The following ANK3 variants were observed in gnomAD, a reference collection of about 807,000 sequenced individuals.
ANK3 encodes ankyrin-3.
In ANK3, 57 loss-of-function variants were observed where a neutral mutation model predicts 370.9. That is an observed-to-expected ratio of 0.15 (90% CI 0.12 to 0.19). The LOEUF (loss-of-function observed/expected upper bound fraction) is 0.19, where lower values mean the gene tolerates loss of function less well. Ranked by LOEUF, ANK3 falls within the 10% of genes least tolerant of loss-of-function variation. The probability of loss-of-function intolerance (pLI) is 1.00; values close to 1 mark genes in which losing one functional copy is unlikely to be tolerated. For synonymous variants in ANK3, 1,929 were observed against 1,946.3 expected (o/e 0.99, Z 0.23); for missense variants, 4,439 against 5,302.1 (o/e 0.84, Z 5.06).
intron 8 of ANK3, among the ~76,000 whole-genome samples, chr10:60,218,066 G>A (rs959796442): frequency 1.3e-5 from 2 of 150,600 alleles, no homozygotes; most frequent in African/African-American, 2.4e-5. Context: ...TCAGAGACTA[G>A]GATTGCAACC....
At chr10:60,185,278 T>G (rs575844366) in intron 17 of ANK3, among the ~76,000 whole-genome samples, 1 of 152,324 alleles carries the variant, frequency 6.6e-6, no homozygotes, top group South Asian at 2.1e-4. Flanking sequence ...ATAATAACCT[T>G]GAGAATTCAG....
At chr10:60,411,425 T>C (rs1314828500) in intron 2 of ANK3, among the ~76,000 whole-genome samples, 1 of 152,224 alleles carries the variant, frequency 6.6e-6, no homozygotes, top group Non-Finnish European at 1.5e-5. Context: ...GATGGTTCTT[T>C]TGTGTGTATG....
intron 2 of ANK3, among the ~76,000 whole-genome samples, chr10:60,497,994 A>G (rs977119803): frequency 2.0e-5 from 3 of 152,110 alleles, no homozygotes; most frequent in African/African-American, 7.2e-5. Flanking sequence ...CTTTTGTTGG[A>G]ACATCCATTA....
intron 27 of ANK3, among the ~76,000 whole-genome samples, chr10:60,107,412 G>T (rs1453089877): frequency 6.6e-6 from 1 of 152,188 alleles, no homozygotes; most frequent in Non-Finnish European, 1.5e-5. Flanking sequence ...GATGTTCAAT[G>T]ATATTGGAGA....
chr10:60,510,094 G>A (rs1437888477), intron 2 of ANK3, among the ~76,000 whole-genome samples: 1 of 151,980 alleles, frequency 6.6e-6, no homozygotes, highest in Non-Finnish European at 1.5e-5. Flanking sequence ...TTTAGTGGAA[G>A]TAGTCCTTCA....
In ANK3 at chr10:60,686,634, T is replaced by G. The variant is rs554879549; in HGVS notation, c.57+46629A>C. Among the ~76,000 whole-genome samples the G allele has an allele frequency of 2.5e-3, 385 of 152,290 alleles. 1 individual carries two copies. Among genetic ancestry groups the G allele is most frequent in the Non-Finnish European group, 4.1e-3 (277 of 67,990 alleles). On this transcript the variant is annotated intron_variant, in intron 1 of 43. Coordinates refer to the ANK3 transcript ENST00000373827. ...TTAATCTTCCTAACAACTGTAGGTA[T>G]TATTACATTTTTACTTTTTATTTTG...
intron 2 of ANK3, among the ~76,000 whole-genome samples, chr10:60,433,345 G>C (rs531333265): frequency 6.6e-6 from 1 of 152,232 alleles, no homozygotes; most frequent in Admixed American, 6.5e-5. Context: ...CAAGATCTTA[G>C]AATAATGCTG....
Position 60,030,008 on chromosome 10 carries a change from C to T in ANK3, c.*20-182G>A, listed in dbSNP as rs899697478. 4.0e-5 allele frequency among the ~76,000 whole-genome samples: 6 copies of T among 148,922 alleles called. No homozygotes were observed. The Admixed American group carries it at 4.1e-4, about 10-fold the overall frequency. ...TGGTTTAACATGATGCTGCTACCTGCTAGATGCCTTAGAGGACAAGGCCCT... is the reference window on the plus strand; with the variant it reads ...TGGTTTAACATGATGCTGCTACCTGTTAGATGCCTTAGAGGACAAGGCCCT... On this transcript the variant is annotated intron_variant, in intron 43 of 43. Coordinates refer to ENST00000280772, the MANE Select transcript of ANK3 (RefSeq NM_020987.5).
intron 1 of ANK3, among the ~76,000 whole-genome samples, chr10:60,297,043 C>T (rs369964815): frequency 5.1e-4 from 78 of 152,206 alleles, no homozygotes; most frequent in African/African-American, 1.9e-3. Context: ...CTTACAGATA[C>T]AAGTGTTTTC....
chr10:60,208,958 T>C (rs1233574818), intron 9 of ANK3, among the ~76,000 whole-genome samples: 1 of 152,202 alleles, frequency 6.6e-6, no homozygotes. Context: ...CTGGGTTCAA[T>C]AACACAGTTA....
intron 1 of ANK3, among the ~76,000 whole-genome samples, chr10:60,380,630 T>C (rs2061430064): frequency 6.6e-6 from 1 of 152,192 alleles, no homozygotes; most frequent in African/African-American, 2.4e-5. Flanking sequence ...CAATGAATTA[T>C]AGCCCAACAA....
At chr10:60,634,573 T>C (rs781306539) in intron 1 of ANK3, among the ~76,000 whole-genome samples, 57 of 152,120 alleles carry the variant, frequency 3.7e-4, no homozygotes, top group Admixed American at 1.2e-3. Flanking sequence ...ATCAGGAGGA[T>C]GTGTGTGGGG....
intron 2 of ANK3, among the ~76,000 whole-genome samples, chr10:60,502,879 GGAAA>G (rs1019214189): frequency 1.6e-5 from 2 of 123,244 alleles, no homozygotes; most frequent in African/African-American, 3.0e-5. Flanking sequence ...AAATAAAGAG[GGAAA>G]GAAAGAGAGA....
At chr10:60,060,519 G>C (rs1029624355) in intron 40 of ANK3, 1 of 152,136 alleles carries the variant, frequency 6.6e-6, no homozygotes, top group African/African-American at 2.4e-5. Flanking sequence ...AAGCAACCTA[G>C]TTCTTCTTTC....
chr10:60,572,445 GT>G lies in ANK3; in HGVS notation c.96+42740del, dbSNP rs1480896289. Reference sequence around the variant, plus strand: ...AGCCAGAGAACAATGAAGAGAACATGTTGCTTATTCATTTCTTACCTTTTTT... The same window carrying G: ...AGCCAGAGAACAATGAAGAGAACATGTGCTTATTCATTTCTTACCTTTTTT... On this transcript the variant is annotated intron_variant, in intron 2 of 43. Transcript: ENST00000373827. 16 of 1,534,624 alleles carry G rather than the reference GT, an allele frequency of 1.0e-5. No homozygotes were observed. In the African/African-American group the frequency reaches 1.9e-4, roughly 18 times the overall value.
chr10:60,425,971 T>C (rs1394778270), intron 2 of ANK3, among the ~76,000 whole-genome samples: 1 of 152,042 alleles, frequency 6.6e-6, no homozygotes, highest in African/African-American at 2.4e-5. Context: ...ATAATATGAA[T>C]CATCCTATTT....
chr10:60,150,295 C>T (rs1008189454), intron 23 of ANK3, among the ~76,000 whole-genome samples: 3 of 152,140 alleles, frequency 2.0e-5, no homozygotes, highest in African/African-American at 7.2e-5. Flanking sequence ...CTGTCTCTGA[C>T]ACTTTGACCA....
In ANK3 at chr10:60,442,041, C is replaced by G. The variant is rs116366138; in HGVS notation, c.97-162402G>C. On this transcript the variant is annotated intron_variant, in intron 2 of 43. Coordinates refer to the ANK3 transcript ENST00000373827. The stretch of plus-strand genomic sequence containing the variant: ...CCCAAAATTCAAGGATGCTCACACC[C>G]CTGATGTAAAATGATGTATCATTTG... Among the ~76,000 whole-genome samples the G allele has an allele frequency of 5.3e-3, 799 of 152,026 alleles. 4 individuals are homozygous for G. The highest frequency in any genetic ancestry group is 9.4e-3 in the South Asian group (45 of 4,798).
intron 1 of ANK3, among the ~76,000 whole-genome samples, chr10:60,280,157 G>A (rs984271513): frequency 6.6e-6 from 1 of 152,132 alleles, no homozygotes; most frequent in Non-Finnish European, 1.5e-5. Flanking sequence ...TCGAACTCCC[G>A]GGCTCAAGTG....
Sources: allele counts gnomAD v4.1 joint callset (sites outside exome capture counted in the v4.1 genomes callset), GRCh38; gene constraint gnomAD v4.1.1; transcripts MANE v1.5; gene names NCBI Gene and HGNC (gene_info 2026-07-23, HGNC 2026-07-21).